The following DCP1A variants were observed in gnomAD, a reference collection of about 807,000 sequenced individuals.
The protein encoded by DCP1A is mRNA-decapping enzyme 1A.
Under a neutral mutation model 58.0 loss-of-function variants are expected in DCP1A, and 20 were observed. The observed-to-expected ratio is 0.34, with a 90% confidence interval of 0.24 to 0.50. The LOEUF (loss-of-function observed/expected upper bound fraction) is 0.50, where lower values mean the gene tolerates loss of function less well. Ranked by LOEUF, DCP1A falls within the 20% of genes least tolerant of loss-of-function variation. The pLI, the probability that DCP1A is intolerant of heterozygous loss-of-function variation, is 0.98. For missense variants in DCP1A, 613 were observed against 712.2 expected (o/e 0.86, Z 1.59); for synonymous variants, 285 against 275.1 (o/e 1.04, Z -0.36).
chr3:53,311,025 T>G (rs1258220167), intron 5 of DCP1A, among the ~76,000 whole-genome samples: 1 of 152,224 alleles, frequency 6.6e-6, no homozygotes, highest in Admixed American at 6.5e-5. Flanking sequence ...TGTTATTGTT[T>G]TACTTATTGC....
chr3:53,323,971 A>G (rs782279239), intron 3 of DCP1A, among the ~76,000 whole-genome samples: 47 of 152,048 alleles, frequency 3.1e-4, no homozygotes, highest in Non-Finnish European at 5.0e-4. Context: ...TTTCACAGGG[A>G]CTTCTAAACC....
At chr3:53,320,494 T>G (rs73843120) in intron 3 of DCP1A, among the ~76,000 whole-genome samples, 1,570 of 152,292 alleles carry the variant, frequency 0.01, 22 homozygotes, top group African/African-American at 0.036. Flanking sequence ...TGTACCTCCT[T>G]AAATACTTAC....
rs1029569349 is a variant in DCP1A, at chr3:53,347,439, C to A, written c.79G>T (p.Ala27Ser). 1 of 1,613,422 alleles carries A rather than the reference C, an allele frequency of 6.2e-7. No individual in the cohort carries two copies. The highest frequency in any genetic ancestry group is 1.3e-5 in the African/African-American group (1 of 75,002). Residue 27 changes from alanine (A) to serine (S), a missense_variant, in exon 1 of 10, where the codon GCA (alanine) becomes TCA (serine). Ala to Ser is a moderately conservative substitution (Grantham distance 99, BLOSUM62 1). Transcript: ENST00000610213. ...AGAGCGACCTGGCCCGTGAGGTCTG[C>A]GATGCTGGTGATATAGGGGTCGTGT... ...KQHDPYITSI[A>S]DLTGQVALYT...
chr3:53,302,148 A>G (rs1707329133), intron 6 of DCP1A, among the ~76,000 whole-genome samples: 1 of 152,206 alleles, frequency 6.6e-6, no homozygotes, highest in Admixed American at 6.5e-5. Flanking sequence ...AATCTGAACA[A>G]CATGTGTGGA....
chr3:53,320,872 C>T (rs533202384), intron 3 of DCP1A, among the ~76,000 whole-genome samples: 1 of 152,356 alleles, frequency 6.6e-6, no homozygotes, highest in East Asian at 1.9e-4. Context: ...AATGAAACCA[C>T]AGAAGTCATA....
intron 5 of DCP1A, among the ~76,000 whole-genome samples, chr3:53,308,212 A>T (rs527397670): frequency 2.0e-5 from 3 of 152,270 alleles, no homozygotes; most frequent in East Asian, 3.8e-4. Flanking sequence ...AAGCTGTTTT[A>T]AAAAAAGAAA....
Position 53,288,160 on chromosome 3 carries a change from A to T in DCP1A, c.1573T>A (p.Ser525Thr). 1 of 1,614,002 alleles carries T rather than the reference A, an allele frequency of 6.2e-7. No individual in the cohort carries two copies. The highest frequency in any genetic ancestry group is 8.5e-7 in the Non-Finnish European group (1 of 1,179,890). The stretch of plus-strand genomic sequence containing the variant: ...TCTGGCGTTCCAATAGTTAGAGGAG[A>T]AGGGGAGCTGGCTTTCCTCTCAAGG... Reference protein sequence around the residue: ...SDLERKASSPSPLTIGTPESQ... With the variant: ...SDLERKASSPTPLTIGTPESQ... The change falls in exon 9 of 10, where the codon TCT becomes ACT. Residue 525 changes from serine (S) to threonine (T), a missense_variant. By Grantham distance (58) the Ser-to-Thr change is moderately conservative. Transcript: ENST00000610213.
At chr3:53,312,217 AC>A in intron 5 of DCP1A, 23 bp downstream of exon 5, 1 of 1,556,194 alleles carries the variant, frequency 6.4e-7, no homozygotes, top group Non-Finnish European at 8.7e-7. Context: ...CCTGGTCAGC[AC>A]CCAAGTACCC....
At chr3:53,318,752 T>C (rs778407008) in intron 4 of DCP1A, among the ~76,000 whole-genome samples, 55 of 152,228 alleles carry the variant, frequency 3.6e-4, no homozygotes, top group Non-Finnish European at 5.1e-4. Context: ...CAAAAAATCT[T>C]CTGGAACACA....
Position 53,319,465 on chromosome 3 carries a change from A to G in DCP1A, c.313T>C (p.Tyr105His). ...TTCTTGTCATAAAACCAGATACTAT[A>G]TATCGACACTTGAAAAACAAAGGGA... ...LLYRNASLSI[Y>H]SIWFYDKNDC... Residue 105 changes from tyrosine (Y) to histidine (H), a missense_variant, in exon 4 of 10, where the codon TAT becomes CAT. This residue lies in a region of DCP1A where 65 missense variants were observed against 118.5 expected (regional missense o/e 0.55). Transcript: ENST00000610213. The G allele has an allele frequency of 6.4e-7, 1 of 1,555,318 alleles. No individual in the cohort carries two copies. Among genetic ancestry groups the G allele is most frequent in the Non-Finnish European group, 8.7e-7 (1 of 1,146,444 alleles).
chr3:53,286,000 A>G lies in DCP1A; in HGVS notation c.*1580T>C, dbSNP rs1706619889. ...AATTAGGTAGACAGCAATAGAAGACACTAAAATGAGAAGCAGAAACCCTGT... is the reference window on the plus strand; with the variant it reads ...AATTAGGTAGACAGCAATAGAAGACGCTAAAATGAGAAGCAGAAACCCTGT... On this transcript the variant is annotated 3_prime_UTR_variant, in exon 10 of 10. Transcript: ENST00000610213. 1 of 152,238 alleles carries G rather than the reference A, an allele frequency of 6.6e-6. No homozygotes were observed. The highest frequency in any genetic ancestry group is 2.4e-5 in the African/African-American group (1 of 41,460). 9.4% of individuals were successfully genotyped at this position (152,238 alleles called of 1,614,324 possible). A position where few individuals can be genotyped will look rare whatever the true frequency, so the allele number is the denominator to read the frequency against.
At chr3:53,318,033 G>C (rs1002326369) in intron 4 of DCP1A, among the ~76,000 whole-genome samples, 1 of 152,236 alleles carries the variant, frequency 6.6e-6, no homozygotes, top group Non-Finnish European at 1.5e-5. Context: ...GCCTGGCATG[G>C]TGGCTCACGC....
intron 4 of DCP1A, among the ~76,000 whole-genome samples, chr3:53,317,160 G>A (rs1707837733): frequency 6.6e-6 from 1 of 151,970 alleles, no homozygotes; most frequent in Admixed American, 6.6e-5. Flanking sequence ...TTTTGTTGTT[G>A]TTGTTGTTGT....
At chr3:53,308,182 G>T (rs1425042438) in intron 5 of DCP1A, among the ~76,000 whole-genome samples, 1 of 151,702 alleles carries the variant, frequency 6.6e-6, no homozygotes, top group East Asian at 1.9e-4. Flanking sequence ...TGTAATTTTT[G>T]AATATAAAAC....
intron 3 of DCP1A, among the ~76,000 whole-genome samples, chr3:53,334,177 T>C (rs1395660615): frequency 6.6e-6 from 1 of 152,046 alleles, no homozygotes; most frequent in African/African-American, 2.4e-5. Flanking sequence ...AATGGAAGGA[T>C]CACTCAAGCC....
intron 6 of DCP1A, among the ~76,000 whole-genome samples, chr3:53,297,300 G>C (rs147527517): frequency 1.6e-4 from 24 of 150,264 alleles, no homozygotes; most frequent in African/African-American, 5.1e-4. Context: ...TATATGTTTA[G>C]AAAACAAATG....
intron 6 of DCP1A, among the ~76,000 whole-genome samples, chr3:53,303,658 A>G (rs1476902242): frequency 6.6e-6 from 1 of 152,198 alleles, no homozygotes; most frequent in East Asian, 1.9e-4. Flanking sequence ...CCTATCTGGG[A>G]GGAAAGTATT....
At chr3:53,297,056 T>C (rs2106806623) in intron 6 of DCP1A, among the ~76,000 whole-genome samples, 1 of 152,318 alleles carries the variant, frequency 6.6e-6, no homozygotes. Context: ...ACAGAGTATA[T>C]GGAGCATTTT....
intron 3 of DCP1A, among the ~76,000 whole-genome samples, chr3:53,336,751 C>A (rs1379397119): frequency 1.3e-5 from 2 of 152,122 alleles, no homozygotes; most frequent in East Asian, 3.8e-4. Context: ...AGAAATGATA[C>A]TAAATGAATG....
Sources: allele counts gnomAD v4.1 joint callset (sites outside exome capture counted in the v4.1 genomes callset), GRCh38; gene constraint gnomAD v4.1.1; regional missense constraint gnomAD v4.1.1; transcripts MANE v1.5; gene names NCBI Gene and HGNC (gene_info 2026-07-23, HGNC 2026-07-21).